The following FARP1 variants were observed in gnomAD, a reference collection of about 807,000 sequenced individuals.
FARP1 encodes the protein FERM, ARH/RhoGEF and pleckstrin domain protein 1, also known as FERM, ARHGEF and pleckstrin domain-containing protein 1.
Under a neutral mutation model 128.8 loss-of-function variants are expected in FARP1, and 52 were observed. The ratio of observed to expected loss-of-function variants is 0.40; its 90% CI spans 0.32 to 0.51. The LOEUF (loss-of-function observed/expected upper bound fraction) is 0.51, where lower values mean the gene tolerates loss of function less well. Ranked by LOEUF, FARP1 falls within the 20% of genes least tolerant of loss-of-function variation. The probability of loss-of-function intolerance (pLI) is 0.45; values close to 1 mark genes in which losing one functional copy is unlikely to be tolerated. For synonymous variants in FARP1, 580 were observed against 551.8 expected (o/e 1.05, Z -0.72); for missense variants, 1,333 against 1,367.9 (o/e 0.97, Z 0.40).
intron 2 of FARP1, among the ~76,000 whole-genome samples, chr13:98,325,840 C>G (rs1380160568): frequency 6.6e-6 from 1 of 152,196 alleles, no homozygotes; most frequent in East Asian, 1.9e-4. Flanking sequence ...TAAAACAAAA[C>G]AAAACCTGAA....
chr13:98,442,522 A>G (rs1027387256), intron 24 of FARP1, among the ~76,000 whole-genome samples: 1 of 152,180 alleles, frequency 6.6e-6, no homozygotes, highest in African/African-American at 2.4e-5. Context: ...GCTCTGTCCC[A>G]TGGGGTTCCC....
At chr13:98,306,936 A>G (rs1886192349) in intron 2 of FARP1, among the ~76,000 whole-genome samples, 1 of 152,258 alleles carries the variant, frequency 6.6e-6, no homozygotes, top group Admixed American at 6.5e-5. Flanking sequence ...GGCTTGGGCC[A>G]TGTCATTCTT....
intron 1 of FARP1, among the ~76,000 whole-genome samples, chr13:98,158,795 G>T (rs1015915524): frequency 6.6e-6 from 1 of 152,148 alleles, no homozygotes; most frequent in African/African-American, 2.4e-5. Context: ...GTGCTTCACT[G>T]TTAGGAAAGA....
intron 2 of FARP1, among the ~76,000 whole-genome samples, chr13:98,294,245 A>G (rs1411220197): frequency 1.3e-5 from 2 of 152,132 alleles, no homozygotes; most frequent in East Asian, 3.9e-4. Context: ...TCTTGTTATG[A>G]TCACCAGTGA....
chr13:98,245,189 C>T (rs1227502965), intron 2 of FARP1: 1 of 988,124 alleles, frequency 1.0e-6, no homozygotes, highest in East Asian at 1.1e-4. Context: ...CCTCATTTAC[C>T]ATATTACTGT....
rs61998176 is a variant in FARP1, at chr13:98,176,633, T to C, written c.-24+33141T>C. The C allele has an allele frequency of 6.2e-7, 1 of 1,614,076 alleles. No individual in the cohort carries two copies. The highest frequency in any genetic ancestry group is 1.3e-5 in the African/African-American group (1 of 74,924). On this transcript the variant is annotated intron_variant, in intron 1 of 26. Transcript: ENST00000319562. The surrounding 1 kb of genome is among the most constrained non-coding windows in gnomAD (Gnocchi z 6.2). ...CTGTCCCCGAAGCCACAGAAGCCAG[T>C]CTCCTTGTAGTCCTTGCAGATGTCA...
chr13:98,221,170 G>T (rs1343684968), intron 2 of FARP1, among the ~76,000 whole-genome samples: 1 of 152,124 alleles, frequency 6.6e-6, no homozygotes, highest in Non-Finnish European at 1.5e-5. Context: ...GAGATCTTCT[G>T]CAAAAACACC....
chr13:98,419,276 C>G (rs1163901962), intron 16 of FARP1, among the ~76,000 whole-genome samples: 2 of 152,122 alleles, frequency 1.3e-5, no homozygotes, highest in African/African-American at 4.8e-5. Context: ...GAGTTCAAGA[C>G]CAGCCTTGCC....
intron 3 of FARP1, among the ~76,000 whole-genome samples, chr13:98,345,094 C>G (rs1888125509): frequency 6.6e-6 from 1 of 152,186 alleles, no homozygotes; most frequent in South Asian, 2.1e-4. Flanking sequence ...TAGAGTGTAG[C>G]AAGTTATGCG....
intron 1 of FARP1, among the ~76,000 whole-genome samples, chr13:98,211,082 ATTG>A (rs991182781): frequency 6.6e-6 from 1 of 152,074 alleles, no homozygotes; most frequent in Non-Finnish European, 1.5e-5. Context: ...TTTTTCTGAA[ATTG>A]TTGTTGTTGT....
At chr13:98,177,215 C>T (rs1208835883) in intron 1 of FARP1, 1 of 1,566,114 alleles carries the variant, frequency 6.4e-7, no homozygotes, top group Admixed American at 1.9e-5. Flanking sequence ...GCCGTCCTTC[C>T]TGGAGAAGGT....
intron 2 of FARP1, among the ~76,000 whole-genome samples, chr13:98,270,654 TGAG>T (rs1392232084): frequency 2.0e-5 from 3 of 152,136 alleles, no homozygotes; most frequent in Non-Finnish European, 2.9e-5. Context: ...TGAAACTTGT[TGAG>T]GAGCAATGCA....
chr13:98,306,152 A>G (rs1415703188), intron 2 of FARP1, among the ~76,000 whole-genome samples: 1 of 152,250 alleles, frequency 6.6e-6, no homozygotes, highest in Non-Finnish European at 1.5e-5. Flanking sequence ...GCAGTTACTT[A>G]CAGTTAACTA....
chr13:98,188,565 GAAA>G (rs560043288), intron 1 of FARP1, among the ~76,000 whole-genome samples: 1 of 150,028 alleles, frequency 6.7e-6, no homozygotes, highest in South Asian at 2.1e-4. Context: ...CGTCTCAAAA[GAAA>G]AAAAAAGGAG....
chr13:98,293,395 T>C (rs1885532317), intron 2 of FARP1, among the ~76,000 whole-genome samples: 1 of 152,150 alleles, frequency 6.6e-6, no homozygotes, highest in African/African-American at 2.4e-5. Context: ...AGAGTCATAC[T>C]TCAGAGGAGG....
chr13:98,254,956 T>A (rs1883514350), intron 2 of FARP1, among the ~76,000 whole-genome samples: 1 of 151,814 alleles, frequency 6.6e-6, no homozygotes, highest in South Asian at 2.1e-4. Flanking sequence ...TTTTTTTTTT[T>A]AAAGGTTATT....
rs536574777 is a variant in FARP1, at chr13:98,430,606, C to T, written c.1906-437C>T. Among the ~76,000 whole-genome samples, 31 of 152,264 alleles carry T rather than the reference C, an allele frequency of 2.0e-4. No individual in the cohort carries two copies. In the South Asian group the frequency reaches 4.1e-3, roughly 20 times the overall value. On this transcript the variant is annotated intron_variant, in intron 17 of 26. Coordinates refer to ENST00000319562, the MANE Select transcript of FARP1 (RefSeq NM_005766.4). ...TTAGCTACTGTCTGAGCAGACGGGG[C>T]GAGGGAAGCAGAACTGTGGTTTTAA...
chr13:98,434,689 G>A (rs1892184932), intron 18 of FARP1: 2 of 152,170 alleles, frequency 1.3e-5, no homozygotes, highest in South Asian at 4.1e-4. Context: ...GTATAGGGGA[G>A]CCGTGCCTCT....
At chr13:98,273,387 A>G (rs1175896543) in intron 2 of FARP1, among the ~76,000 whole-genome samples, 5 of 152,128 alleles carry the variant, frequency 3.3e-5, no homozygotes, top group African/African-American at 1.2e-4. Context: ...GAATCTTATG[A>G]TCTCTAGTTT....
Sources: allele counts gnomAD v4.1 joint callset (sites outside exome capture counted in the v4.1 genomes callset), GRCh38; gene constraint gnomAD v4.1.1; non-coding constraint Gnocchi (gnomAD v3.1); transcripts MANE v1.5; gene names NCBI Gene and HGNC (gene_info 2026-07-23, HGNC 2026-07-21).